Variants in DOCK1 observed in about 807,000 individuals in gnomAD.
DOCK1 encodes dedicator of cytokinesis 1, also known as dedicator of cytokinesis protein 1.
In DOCK1, 138 loss-of-function variants were observed where a neutral mutation model predicts 262.7. The observed-to-expected ratio is 0.53, with a 90% CI of 0.46 to 0.61. DOCK1 has a LOEUF of 0.61. Among genes scored for constraint, DOCK1 ranks in the 20% least tolerant of loss-of-function variants. DOCK1 has a pLI of 0.00. For synonymous variants in DOCK1, 866 were observed against 867.4 expected (o/e 1.00, Z 0.03); for missense variants, 1,908 against 2,370.7 (o/e 0.80, Z 4.05).
chr10:126,912,705 G>C (rs1481170250), intron 1 of DOCK1, among the ~76,000 whole-genome samples: 1 of 143,226 alleles, frequency 7.0e-6, no homozygotes, highest in Admixed American at 7.2e-5. Context: ...CAGCCTGGGT[G>C]ACAGAGTGAG....
chr10:126,971,725 T>C (rs2038122765), intron 2 of DOCK1, among the ~76,000 whole-genome samples: 1 of 151,696 alleles, frequency 6.6e-6, no homozygotes, highest in African/African-American at 2.4e-5. Flanking sequence ...GCCTGCTTCA[T>C]TGTTTTGATG....
chr10:127,311,654 TCA>T (rs1219514387), intron 29 of DOCK1, among the ~76,000 whole-genome samples: 2 of 152,170 alleles, frequency 1.3e-5, no homozygotes, highest in East Asian at 3.9e-4. Context: ...GTTCTTTATT[TCA>T]CAGTCGTCCT....
chr10:126,924,172 GTGCTGGAACTGAGCAGGGGGAACTGAA>G (rs1399665675), intron 1 of DOCK1, among the ~76,000 whole-genome samples: 5,323 of 141,840 alleles, frequency 0.038, 306 homozygotes, highest in Middle Eastern at 0.098. Flanking sequence ...GGGGACTTGA[GTGCTGGAACTGAGCAGGGGGAACTGAA>G]TGCTGGAACT....
At chr10:127,156,280 T>A (rs921028537) in intron 27 of DOCK1, among the ~76,000 whole-genome samples, 1 of 152,172 alleles carries the variant, frequency 6.6e-6, no homozygotes, top group African/African-American at 2.4e-5. Flanking sequence ...ACAGTCACAC[T>A]TCAGGTCCAG....
chr10:127,216,252 A>G (rs981337336), intron 27 of DOCK1, among the ~76,000 whole-genome samples: 1 of 151,678 alleles, frequency 6.6e-6, no homozygotes, highest in African/African-American at 2.4e-5. Flanking sequence ...TACCCAAGTT[A>G]GGAAGTAGCT....
intron 10 of DOCK1, among the ~76,000 whole-genome samples, chr10:127,004,072 G>A (rs1371315545): frequency 2.0e-5 from 3 of 151,892 alleles, no homozygotes. Context: ...GGCCAGTGTG[G>A]TGAAACCCTG....
chr10:127,117,522 A>G (rs1464429226), intron 25 of DOCK1, among the ~76,000 whole-genome samples: 1 of 152,250 alleles, frequency 6.6e-6, no homozygotes, highest in Non-Finnish European at 1.5e-5. Context: ...TAAAGTATAC[A>G]GTGTTGTGCT....
chr10:127,031,164 G>A (rs892870731), intron 16 of DOCK1, among the ~76,000 whole-genome samples: 2 of 152,208 alleles, frequency 1.3e-5, no homozygotes, highest in African/African-American at 4.8e-5. Flanking sequence ...TTCCTTGGTG[G>A]AATGGTCTGC....
intron 38 of DOCK1, among the ~76,000 whole-genome samples, chr10:127,390,133 G>A (rs2066390456): frequency 6.6e-6 from 1 of 152,124 alleles, no homozygotes; most frequent in Admixed American, 6.5e-5. Flanking sequence ...CTGCTGCCAT[G>A]CTTCCTGTAC....
At chr10:127,275,849 TGCA>T (rs2135228488) in intron 29 of DOCK1, among the ~76,000 whole-genome samples, 1 of 152,228 alleles carries the variant, frequency 6.6e-6, no homozygotes, top group South Asian at 2.1e-4. Context: ...TGAGAAGGGG[TGCA>T]GAGAATAGTC....
At chr10:127,336,768 T>C (rs1590541144) in intron 29 of DOCK1, among the ~76,000 whole-genome samples, 2 of 152,166 alleles carry the variant, frequency 1.3e-5, no homozygotes, top group South Asian at 4.1e-4. Flanking sequence ...CTCAATCTCC[T>C]GACCTCGTGA....
intron 7 of DOCK1, 87 bp from the exon 8 acceptor site, chr10:126,998,005 C>A: frequency 1.3e-6 from 2 of 1,525,388 alleles, no homozygotes; most frequent in Non-Finnish European, 1.8e-6. Context: ...TGAGTTATTA[C>A]AATTTTCTAT....
intron 29 of DOCK1, among the ~76,000 whole-genome samples, chr10:127,320,898 A>ACCTCAC (rs2062489957): frequency 1.3e-5 from 2 of 151,092 alleles, no homozygotes; most frequent in Non-Finnish European, 1.5e-5. Flanking sequence ...AGCTCCCTTG[A>ACCTCAC]CCTCACCCTC....
In DOCK1 at chr10:127,447,377, A is replaced by G; in HGVS notation, c.5414-17A>G. On this transcript the variant is annotated splice_polypyrimidine_tract_variant and intron_variant, in intron 50 of 51. Transcript: ENST00000623213. The stretch of plus-strand genomic sequence containing the variant: ...TGGGGAAGTCGGGCTGATTTTAAAT[A>G]GATCCCGGTTTTCCAGGCTTGGAGC... 6.2e-7 allele frequency: 1 copy of G among 1,608,124 alleles called. No homozygotes were observed.
chr10:127,334,138 A>G (rs1489139123), intron 29 of DOCK1, among the ~76,000 whole-genome samples: 4 of 152,166 alleles, frequency 2.6e-5, no homozygotes, highest in Non-Finnish European at 5.9e-5. Context: ...ATTAAATCAA[A>G]TGAATTAACA....
At chr10:127,212,020 T>C (rs1454880438) in intron 27 of DOCK1, among the ~76,000 whole-genome samples, 1 of 152,194 alleles carries the variant, frequency 6.6e-6, no homozygotes, top group African/African-American at 2.4e-5. Flanking sequence ...TGTGTTTTCC[T>C]TCTTGAAGGA....
intron 27 of DOCK1, among the ~76,000 whole-genome samples, chr10:127,129,923 C>T (rs2050208442): frequency 6.6e-6 from 1 of 151,912 alleles, no homozygotes; most frequent in East Asian, 1.9e-4. Context: ...AAACATGGTT[C>T]TGTCTCTGGT....
chr10:127,430,686 T>C (rs1036936864), intron 47 of DOCK1, among the ~76,000 whole-genome samples: 1 of 151,668 alleles, frequency 6.6e-6, no homozygotes, highest in Non-Finnish European at 1.5e-5. Context: ...AGCTGGCATT[T>C]GTATAGCATC....
At chr10:127,425,390 T>C (rs1450353529) in intron 46 of DOCK1, among the ~76,000 whole-genome samples, 1 of 152,212 alleles carries the variant, frequency 6.6e-6, no homozygotes, top group Non-Finnish European at 1.5e-5. Context: ...GAAGCGATTA[T>C]TTTTAGTTTT....
Sources: gnomAD v4.1 joint callset for allele counts (sites outside exome capture counted in the v4.1 genomes callset) on GRCh38, gnomAD v4.1.1 for gene constraint, MANE v1.5 for transcripts, NCBI Gene and HGNC (gene_info 2026-07-23, HGNC 2026-07-21) for gene names.